The following TBCD variants were observed in gnomAD, a reference collection of about 807,000 sequenced individuals.
The protein encoded by TBCD is tubulin folding cofactor D.
TBCD carries 105 observed loss-of-function variants against 169.3 expected under a neutral mutation model. The ratio of observed to expected loss-of-function variants is 0.62; its 90% CI spans 0.53 to 0.73. The LOEUF is 0.73. Among genes scored for constraint, TBCD ranks in the 30% least tolerant of loss-of-function variants. The probability of loss-of-function intolerance (pLI) is 0.00; values close to 1 mark genes in which losing one functional copy is unlikely to be tolerated. For missense variants in TBCD, 1,444 were observed against 1,600.1 expected, an observed-to-expected ratio of 0.90 and a Z score of 1.66; for synonymous variants, 700 against 643.9, an observed-to-expected ratio of 1.09 and a Z score of -1.32.
chr17:82,828,519 A>ATG (rs1567846010), intron 13 of TBCD, among the ~76,000 whole-genome samples: 4 of 121,850 alleles, frequency 3.3e-5, no homozygotes, highest in Non-Finnish European at 6.7e-5. Flanking sequence ...CCCCGCAGAT[A>ATG]TGCACACGTG....
chr17:82,892,026 C>T (rs2059176317), intron 16 of TBCD, among the ~76,000 whole-genome samples: 1 of 152,206 alleles, frequency 6.6e-6, no homozygotes, highest in Non-Finnish European at 1.5e-5. Flanking sequence ...CACCCAGGCC[C>T]CCCACTTCCC....
At chr17:82,802,707 TC>T (rs1375082974) in intron 9 of TBCD, among the ~76,000 whole-genome samples, 1 of 152,226 alleles carries the variant, frequency 6.6e-6, no homozygotes, top group Non-Finnish European at 1.5e-5. Flanking sequence ...GCTGGGGCCT[TC>T]CGCTGGCTGA....
In TBCD at chr17:82,789,757, C is replaced by A. The variant is rs1057089740; in HGVS notation, c.772-8000C>A. Among the ~76,000 whole-genome samples, 1 of 152,240 alleles carries A rather than the reference C, an allele frequency of 6.6e-6. No individual in the cohort carries two copies. On this transcript the variant is annotated intron_variant, in intron 7 of 38. Coordinates refer to ENST00000355528, the MANE Select transcript of TBCD (RefSeq NM_005993.5). This position sits in a 1 kb window ranked among gnomAD's most constrained non-coding sequence, Gnocchi z 4.8. Reference sequence around the variant, plus strand: ...ACCCTTGACCTTTATTACCTGATTTCTGTCCTTGGTTCTCGAGCCCTCCTT... The same window carrying A: ...ACCCTTGACCTTTATTACCTGATTTATGTCCTTGGTTCTCGAGCCCTCCTT...
At chr17:82,929,946 C>T (rs750004266) in intron 32 of TBCD, 2 of 320,110 alleles carry the variant, frequency 6.2e-6, no homozygotes, top group Non-Finnish European at 1.2e-5. Context: ...ACTTGAAGGC[C>T]TCTCTGCATC....
intron 7 of TBCD, among the ~76,000 whole-genome samples, chr17:82,793,551 G>A (rs568825155): frequency 2.6e-5 from 4 of 152,326 alleles, no homozygotes; most frequent in African/African-American, 9.6e-5. Flanking sequence ...GCGTACCAGA[G>A]TTCCTCAGTG....
At chr17:82,828,684 G>C (rs1486696950) in intron 13 of TBCD, among the ~76,000 whole-genome samples, 2 of 148,112 alleles carry the variant, frequency 1.4e-5, no homozygotes, top group East Asian at 4.1e-4. Flanking sequence ...CCACAGAATC[G>C]AGTGTGCACA....
intron 6 of TBCD, 58 bp downstream of exon 6, chr17:82,772,565 T>C: frequency 6.4e-7 from 1 of 1,571,876 alleles, no homozygotes; most frequent in South Asian, 1.1e-5. Context: ...GAGGGGTTTG[T>C]TTGGGTACGT....
chr17:82,937,721 TG>T, intron 35 of TBCD: 1 of 724,958 alleles, frequency 1.4e-6, no homozygotes, highest in Non-Finnish European at 2.2e-6. Flanking sequence ...AGGTGGACAC[TG>T]GGCAGGTGCG....
rs189319141 is a variant in TBCD, at chr17:82,876,637, G to T, written c.1475+6257G>T. On this transcript the variant is annotated intron_variant, in intron 14 of 38. Transcript: ENST00000355528. ...AAATCAGGACAGTGTTAAATTTGTT[G>T]TAAGTCCATATATAGTTGATTGGTC... Among the ~76,000 whole-genome samples the T allele has an allele frequency of 2.0e-5, 3 of 152,248 alleles. No individual in the cohort carries two copies. The East Asian group carries it at 5.8e-4, about 29-fold the overall frequency.
intron 14 of TBCD, among the ~76,000 whole-genome samples, chr17:82,873,885 T>G (rs1348703849): frequency 6.6e-6 from 1 of 152,186 alleles, no homozygotes; most frequent in Non-Finnish European, 1.5e-5. Flanking sequence ...GCATGAACCT[T>G]CAGGGCTGGA....
In TBCD at chr17:82,835,269, C is replaced by T. The variant is rs1054300106; in HGVS notation, c.1318+20335C>T. On this transcript the variant is annotated intron_variant, in intron 13 of 38. Transcript: ENST00000355528. This position sits in a 1 kb window ranked among gnomAD's most constrained non-coding sequence, Gnocchi z 4.5. ...GGAGGCAGCTGTCCCTGAAGCAAGG[C>T]GCCACCCCTCCTCCCTGCACCCGTG... 2.0e-5 allele frequency among the ~76,000 whole-genome samples: 3 copies of T among 152,104 alleles called. No homozygotes were observed. Among genetic ancestry groups the T allele is most frequent in the Non-Finnish European group, 4.4e-5 (3 of 68,002 alleles).
chr17:82,846,206 C>G (rs112523834), intron 13 of TBCD, among the ~76,000 whole-genome samples: 1 of 151,958 alleles, frequency 6.6e-6, no homozygotes, highest in Non-Finnish European at 1.5e-5. Flanking sequence ...GTGCTGCGTC[C>G]GGCATGCCAC....
intron 34 of TBCD, 55 bp from the exon 35 acceptor site, chr17:82,937,216 G>T (rs2062704967): frequency 6.6e-7 from 1 of 1,525,488 alleles, no homozygotes; most frequent in South Asian, 1.1e-5. Flanking sequence ...GAAAAAGTGT[G>T]CATCCCGGGG....
chr17:82,869,898 C>T (rs778806781), intron 13 of TBCD, among the ~76,000 whole-genome samples: 17 of 149,930 alleles, frequency 1.1e-4, no homozygotes, highest in Non-Finnish European at 1.9e-4. Flanking sequence ...GCAGGAGCTG[C>T]GTTTCCTTGA....
At chr17:82,814,328 C>T (rs1027578777) in intron 12 of TBCD, among the ~76,000 whole-genome samples, 10 of 152,148 alleles carry the variant, frequency 6.6e-5, no homozygotes, top group African/African-American at 2.4e-4. Context: ...GTGGGTGTTG[C>T]CCGTACTTGG....
At chr17:82,755,311 A>G (rs906909410) in intron 1 of TBCD, among the ~76,000 whole-genome samples, 10 of 152,356 alleles carry the variant, frequency 6.6e-5, no homozygotes, top group Non-Finnish European at 8.8e-5. Flanking sequence ...TCATCAGACT[A>G]AAAAGGTACC....
chr17:82,813,957 A>G (rs2051660211), intron 12 of TBCD, among the ~76,000 whole-genome samples: 1 of 152,178 alleles, frequency 6.6e-6, no homozygotes. Flanking sequence ...TCTTGTCCAT[A>G]CTGATTGCCA....
At chr17:82,872,989 C>G (rs535005156) in intron 14 of TBCD, among the ~76,000 whole-genome samples, 92 of 145,940 alleles carry the variant, frequency 6.3e-4, no homozygotes, top group African/African-American at 2.2e-3. Context: ...CCCGGCACCT[C>G]GTGGCCGACG....
chr17:82,867,318 C>T (rs939430223), intron 13 of TBCD, among the ~76,000 whole-genome samples: 4 of 152,214 alleles, frequency 2.6e-5, no homozygotes, highest in Non-Finnish European at 5.9e-5. Context: ...TGTTGGGAGT[C>T]GGTCTGTCCA....
Sources: allele counts gnomAD v4.1 joint callset (sites outside exome capture counted in the v4.1 genomes callset), GRCh38; gene constraint gnomAD v4.1.1; non-coding constraint Gnocchi (gnomAD v3.1); transcripts MANE v1.5; gene names NCBI Gene and HGNC (gene_info 2026-07-23, HGNC 2026-07-21).